CDC37: variants seen among roughly 807,000 people sequenced by gnomAD.
The protein encoded by CDC37 is hsp90 co-chaperone Cdc37.
CDC37 carries 9 observed loss-of-function variants against 46.9 expected under a neutral mutation model. That is an observed-to-expected ratio of 0.19 (90% CI 0.12 to 0.33). The LOEUF is 0.33. Ranked by LOEUF, CDC37 falls within the 10% of genes least tolerant of loss-of-function variation. CDC37 has a pLI of 1.00. For missense variants in CDC37, 388 were observed against 514.6 expected, an observed-to-expected ratio of 0.75 and a Z score of 2.38; for synonymous variants, 193 against 191.0, an observed-to-expected ratio of 1.01 and a Z score of -0.09.
In CDC37 at chr19:10,393,243, G is replaced by A. The variant is rs771175668; in HGVS notation, c.909+16C>T. 6.5e-5 allele frequency: 105 copies of A among 1,612,698 alleles called. No homozygotes were observed. In the South Asian group the frequency reaches 1.1e-3, roughly 17 times the overall value. On this transcript the variant is annotated intron_variant, in intron 6 of 7. Coordinates refer to ENST00000222005, the MANE Select transcript of CDC37 (RefSeq NM_007065.4). This position sits in a 1 kb window ranked among gnomAD's most constrained non-coding sequence, Gnocchi z 4.9. The stretch of plus-strand genomic sequence containing the variant: ...TCAGGGTCTTCCTGCTGCCCGCCTG[G>A]GCCGGGGAGCCCCACCTCAGGGAGG...
rs910284622 is a variant in CDC37 at position 10,398,492 on chromosome 19, G to A, written c.103-2289C>T. Reference sequence around the variant, plus strand: ...TCCTAGCCCACAGCCACCATGTACCGGCTGGGTATCCCGGGCCATCCCCTA... The same window carrying A: ...TCCTAGCCCACAGCCACCATGTACCAGCTGGGTATCCCGGGCCATCCCCTA... On this transcript the variant is annotated intron_variant, in intron 1 of 7. Transcript: ENST00000222005. This position sits in a 1 kb window ranked among gnomAD's most constrained non-coding sequence, Gnocchi z 4.2. Among the ~76,000 whole-genome samples, 1 of 152,232 alleles carries A rather than the reference G, an allele frequency of 6.6e-6. No homozygotes were observed. Among genetic ancestry groups the A allele is most frequent in the Non-Finnish European group, 1.5e-5 (1 of 68,048 alleles).
Position 10,391,381 on chromosome 19 carries a change from G to A in CDC37, c.*170C>T, listed in dbSNP as rs1407213606. On this transcript the variant is annotated 3_prime_UTR_variant, in exon 8 of 8. Coordinates refer to ENST00000222005, the MANE Select transcript of CDC37 (RefSeq NM_007065.4). ...ACTCAAAGCAGAGACTTGAATGGGC[G>A]CTGGAGAGTGGAGACAGTGGAGAGG... 1.6e-5 allele frequency: 12 copies of A among 748,302 alleles called. No individual in the cohort carries two copies. The highest frequency in any genetic ancestry group is 2.5e-5 in the Non-Finnish European group (11 of 432,582). 46.4% of individuals were successfully genotyped at this position (748,302 alleles called of 1,614,324 possible). A position where few individuals can be genotyped will look rare whatever the true frequency, so the allele number is the denominator to read the frequency against.
intron 2 of CDC37, 185 bp downstream of exon 2, chr19:10,395,743 C>CGGGGGGGGGGGGGGGGGGGGGGG: frequency 1.6e-6 from 1 of 622,930 alleles, no homozygotes. Flanking sequence ...TTCATCCGCC[C>CGGGGGGGGGGGGGGGGGGGGGGG]GGCCCCCCAA....
chr19:10,391,901 T>C (rs1351186727), intron 7 of CDC37, among the ~76,000 whole-genome samples, 195 bp from the exon 8 acceptor site: 2 of 152,118 alleles, frequency 1.3e-5, no homozygotes, highest in African/African-American at 4.8e-5. Flanking sequence ...ACCTCCCAGG[T>C]TCAAGTGATT....
At chr19:10,399,931 TAAAAAAAAAAAAAAA>T in intron 1 of CDC37, among the ~76,000 whole-genome samples, 1 of 48,320 alleles carries the variant, frequency 2.1e-5, no homozygotes, top group Non-Finnish European at 3.8e-5. Context: ...GACTCCGTCT[TAAAAAAAAAAAAAAA>T]AAAAAAAAAA....
chr19:10,399,931 TAAAAAAAAAAAAAA>T (rs56162717), intron 1 of CDC37, among the ~76,000 whole-genome samples: 5 of 48,336 alleles, frequency 1.0e-4, no homozygotes, highest in Non-Finnish European at 1.9e-4. Context: ...GACTCCGTCT[TAAAAAAAAAAAAAA>T]AAAAAAAAAA....
chr19:10,403,522 A>T lies in CDC37; in HGVS notation c.-43T>A. The T allele has an allele frequency of 6.7e-7, 1 of 1,492,228 alleles. No homozygotes were observed. Among genetic ancestry groups the T allele is most frequent in the Non-Finnish European group, 9.3e-7 (1 of 1,076,998 alleles). 92.4% of individuals were successfully genotyped at this position (1,492,228 alleles called of 1,614,324 possible). The stretch of plus-strand genomic sequence containing the variant: ...GCCCGCTCCGGCTCGGGTGGCGGCG[A>T]CGGCGGCAGCAGTGGAGACTAGGAG... On this transcript the variant is annotated 5_prime_UTR_variant, in exon 1 of 8. Transcript: ENST00000222005.
At chr19:10,395,764 C>G (rs13343720) in intron 2 of CDC37, 164 bp downstream of exon 2, 8 of 377,396 alleles carry the variant, frequency 2.1e-5, no homozygotes, top group Middle Eastern at 6.9e-4. Context: ...GCCTGTCCCC[C>G]CTCCCACGTG....
chr19:10,395,457 G>A lies in CDC37; in HGVS notation c.465C>T (p.Tyr155=), dbSNP rs372631131. ...EQKHKTFVEK[Y]EKQIKHFGML... is the part of the protein sequence containing the mutation. ...CACCAAAGTGCTTGATCTGTTTCTC[G>A]TATTTTTCCACGAAGGTCTTGTGTT... Residue 155 remains tyrosine, a synonymous_variant, in exon 3 of 8, where the codon TAC becomes TAT. Transcript: ENST00000222005. The A allele has an allele frequency of 5.6e-6, 9 of 1,613,838 alleles. No individual in the cohort carries two copies. The highest frequency in any genetic ancestry group is 1.1e-5 in the South Asian group (1 of 91,084).
chr19:10,392,966 C>A (rs1183870929), intron 7 of CDC37, 120 bp downstream of exon 7: 1 of 846,336 alleles, frequency 1.2e-6, no homozygotes, highest in Non-Finnish European at 2.0e-6. Flanking sequence ...CACGACCCCC[C>A]TTACTCCTTG....
intron 1 of CDC37, among the ~76,000 whole-genome samples, chr19:10,402,744 T>C (rs2042526384): frequency 6.6e-6 from 1 of 152,128 alleles, no homozygotes; most frequent in East Asian, 1.9e-4. Context: ...AAGTACTCGG[T>C]GAGACTAAGG....
chr19:10,403,299 G>C, intron 1 of CDC37, 79 bp downstream of exon 1: 2 of 1,060,926 alleles, frequency 1.9e-6, no homozygotes, highest in Non-Finnish European at 2.8e-6. Context: ...TGAACAGCGG[G>C]GTCCCTGGGC....
intron 1 of CDC37, among the ~76,000 whole-genome samples, chr19:10,397,879 T>C (rs1568355360): frequency 6.6e-6 from 1 of 152,076 alleles, no homozygotes; most frequent in African/African-American, 2.4e-5. Flanking sequence ...TTTCTCCTTA[T>C]AACAGTGCCT....
chr19:10,399,931 T>TAAAAAAAAAAAAAAAAAAAAAA (rs56162717), intron 1 of CDC37, among the ~76,000 whole-genome samples: 5 of 48,316 alleles, frequency 1.0e-4, no homozygotes, highest in South Asian at 1.0e-3. Context: ...GACTCCGTCT[T>TAAAAAAAAAAAAAAAAAAAAAA]AAAAAAAAAA....
intron 4 of CDC37, 25 bp downstream of exon 4, chr19:10,395,203 C>T: frequency 6.2e-7 from 1 of 1,613,812 alleles, no homozygotes; most frequent in African/African-American, 1.3e-5. Flanking sequence ...CGCCTTTTCA[C>T]AGTCCCGGGG....
rs1350684304 is a variant in CDC37 at position 10,396,746 on chromosome 19, T to C, written c.103-543A>G. Among the ~76,000 whole-genome samples the C allele has an allele frequency of 6.6e-6, 1 of 152,066 alleles. No individual in the cohort carries two copies. The highest frequency in any genetic ancestry group is 1.5e-5 in the Non-Finnish European group (1 of 68,008). On this transcript the variant is annotated intron_variant, in intron 1 of 7. Transcript: ENST00000222005. The surrounding 1 kb of genome is among the most constrained non-coding windows in gnomAD (Gnocchi z 5.9). ...CCAGCACGCCCAGCTAATTTTTGTATTTTCAGTAAAGATGGGGTTTGCCAT... is the reference window on the plus strand; with the variant it reads ...CCAGCACGCCCAGCTAATTTTTGTACTTTCAGTAAAGATGGGGTTTGCCAT...
chr19:10,393,032 G>A lies in CDC37; in HGVS notation c.981+54C>T. On this transcript the variant is annotated intron_variant, in intron 7 of 7. Transcript: ENST00000222005. This position sits in a 1 kb window ranked among gnomAD's most constrained non-coding sequence, Gnocchi z 4.9. Reference sequence around the variant, plus strand: ...CGGCTTCAGAGACTTGGGACACAGGGCTGGGGGAGACACACGGCCCGCCGG... The same window carrying A: ...CGGCTTCAGAGACTTGGGACACAGGACTGGGGGAGACACACGGCCCGCCGG... The A allele has an allele frequency of 6.7e-7, 1 of 1,494,668 alleles. No homozygotes were observed. Among genetic ancestry groups the A allele is most frequent in the Non-Finnish European group, 9.3e-7 (1 of 1,071,354 alleles). 92.6% of individuals were successfully genotyped at this position (1,494,668 alleles called of 1,614,324 possible). A position where few individuals can be genotyped will look rare whatever the true frequency, so the allele number is the denominator to read the frequency against.
At chr19:10,395,833 G>T in intron 2 of CDC37, 95 bp downstream of exon 2, 1 of 1,394,410 alleles carries the variant, frequency 7.2e-7, no homozygotes, top group Admixed American at 1.9e-5. Flanking sequence ...ACACCACCGG[G>T]GTCCTCCCCT....
At chr19:10,395,830 C>G (rs888486443) in intron 2 of CDC37, 98 bp downstream of exon 2, 4 of 1,397,200 alleles carry the variant, frequency 2.9e-6, no homozygotes, top group Non-Finnish European at 4.0e-6. Flanking sequence ...ACTACACCAC[C>G]GGGGTCCTCC....
Sources: gnomAD v4.1 joint callset for allele counts (sites outside exome capture counted in the v4.1 genomes callset) on GRCh38, gnomAD v4.1.1 for gene constraint, Gnocchi (gnomAD v3.1) non-coding constraint, MANE v1.5 for transcripts, NCBI Gene and HGNC (gene_info 2026-07-23, HGNC 2026-07-21) for gene names.